The following TNIP1 variants were observed in gnomAD, a reference collection of about 807,000 sequenced individuals.
The protein encoded by TNIP1 is TNFAIP3-interacting protein 1.
A neutral mutation model predicts 86.6 loss-of-function variants in TNIP1; 22 were observed. The ratio of observed to expected loss-of-function variants is 0.25; its 90% CI spans 0.18 to 0.36. TNIP1 has a LOEUF of 0.36. TNIP1 is among the 10% of genes least tolerant of loss of function. The pLI, the probability that TNIP1 is intolerant of heterozygous loss-of-function variation, is 1.00. For missense variants in TNIP1, 709 were observed against 820.6 expected, an observed-to-expected ratio of 0.86 and a Z score of 1.66; for synonymous variants, 294 against 313.0, an observed-to-expected ratio of 0.94 and a Z score of 0.64.
intron 1 of TNIP1, among the ~76,000 whole-genome samples, chr5:151,066,358 T>G (rs1420864377): frequency 1.3e-5 from 2 of 152,128 alleles, no homozygotes; most frequent in East Asian, 3.9e-4. Flanking sequence ...CTCTCCAGCA[T>G]GAAAGGGCCA....
chr5:151,071,252 C>T (rs2113777776), intron 1 of TNIP1, among the ~76,000 whole-genome samples: 1 of 152,230 alleles, frequency 6.6e-6, no homozygotes, highest in South Asian at 2.1e-4. Flanking sequence ...CAACAAGGAG[C>T]CCAGACTTAA....
rs146593725 is a variant in TNIP1, at chr5:151,069,810, C to G, written c.-36-4679G>C. ...TGTGTATGGAACCATGGGCTCATTC[C>G]CTCACATGCAAGGGGAGGAGCATGG... On this transcript the variant is annotated intron_variant, in intron 1 of 17. Transcript: ENST00000521591. Among the ~76,000 whole-genome samples the G allele has an allele frequency of 5.2e-3, 787 of 152,242 alleles. 4 individuals are homozygous for G. Among genetic ancestry groups the G allele is most frequent in the African/African-American group, 0.018 (753 of 41,542 alleles).
intron 1 of TNIP1, among the ~76,000 whole-genome samples, chr5:151,071,373 C>A (rs1015340475): frequency 6.6e-6 from 1 of 152,016 alleles, no homozygotes; most frequent in Non-Finnish European, 1.5e-5. Flanking sequence ...TACACTAGGG[C>A]GAACATCTTA....
rs1016501478 is a variant in TNIP1, at chr5:151,030,034, C to T, written c.*679G>A. On this transcript the variant is annotated 3_prime_UTR_variant, in exon 18 of 18. Transcript: ENST00000521591. ...CCACCCTAATCTGGGCTTCTGGCAC[C>T]ACAGGCCTCCAGCTATGGGGTCCAG... 2 of 456,262 alleles carry T rather than the reference C, an allele frequency of 4.4e-6. No homozygotes were observed. Among genetic ancestry groups the T allele is most frequent in the African/African-American group, 4.0e-5 (2 of 50,082 alleles). The allele number at this position is 456,262 out of a possible 1,614,324, so 28.3% of individuals were successfully genotyped here. A position where few individuals can be genotyped will look rare whatever the true frequency, so the allele number is the denominator to read the frequency against.
intron 1 of TNIP1, among the ~76,000 whole-genome samples, chr5:151,069,813 C>A (rs572305069): frequency 3.7e-4 from 56 of 152,160 alleles, no homozygotes; most frequent in Non-Finnish European, 7.8e-4. Flanking sequence ...CTCATTCCCT[C>A]ACATGCAAGG....
At chr5:151,060,531 C>A in intron 4 of TNIP1, 136 bp from the exon 5 acceptor site, 1 of 708,844 alleles carries the variant, frequency 1.4e-6, no homozygotes, top group Non-Finnish European at 2.5e-6. Flanking sequence ...CATATCATCT[C>A]ACATGAGATC....
At chr5:151,082,280 GATATTCAT>G (rs1272546836), upstream of TNIP1, among the ~76,000 whole-genome samples, 2 of 152,092 alleles carry the variant, frequency 1.3e-5, no homozygotes, top group Non-Finnish European at 2.9e-5. Flanking sequence ...TCTTCAAAAC[GATATTCAT>G]TCTAGTTTAA....
upstream of TNIP1, among the ~76,000 whole-genome samples, chr5:151,081,598 CGTAA>C (rs1764033573): frequency 6.6e-6 from 1 of 152,244 alleles, no homozygotes; most frequent in Admixed American, 6.5e-5. Context: ...TCCCAGACAT[CGTAA>C]ACGCTTTGCT....
intron 11 of TNIP1, among the ~76,000 whole-genome samples, chr5:151,040,766 A>T (rs557369021): frequency 6.6e-6 from 1 of 152,310 alleles, no homozygotes; most frequent in Non-Finnish European, 1.5e-5. Context: ...TCCCATGCTG[A>T]CGGGAGGAAC....
At chr5:151,037,108 T>C in intron 12 of TNIP1, 187 bp from the exon 13 acceptor site, 1 of 646,882 alleles carries the variant, frequency 1.5e-6, no homozygotes, top group Non-Finnish European at 2.4e-6. Flanking sequence ...TTGGATCTTC[T>C]GCACAGTGCC....
At chr5:151,050,502 T>C (rs1759766643) in intron 7 of TNIP1, among the ~76,000 whole-genome samples, 1 of 152,250 alleles carries the variant, frequency 6.6e-6, no homozygotes, top group African/African-American at 2.4e-5. Context: ...CCATTTACTC[T>C]AGTTAAAGTT....
chr5:151,083,173 C>A (rs1764146089), upstream of TNIP1, among the ~76,000 whole-genome samples: 2 of 152,210 alleles, frequency 1.3e-5, no homozygotes, highest in African/African-American at 4.8e-5. Flanking sequence ...CCCTGCTCAG[C>A]CACTTACTAC....
Position 151,052,145 on chromosome 5 carries a change from T to A in TNIP1, c.722+20A>T, listed in dbSNP as rs1169448851. ...TGCAGCCCCCACTCCTCACCCCTTCTCTGAGGGGCCTGAACTTACCGCAGC... is the reference window on the plus strand; with the variant it reads ...TGCAGCCCCCACTCCTCACCCCTTCACTGAGGGGCCTGAACTTACCGCAGC... On this transcript the variant is annotated intron_variant, in intron 7 of 17. Coordinates refer to ENST00000521591, the MANE Select transcript of TNIP1 (RefSeq NM_006058.5). 6.2e-7 allele frequency: 1 copy of A among 1,611,602 alleles called. No individual in the cohort carries two copies. Among genetic ancestry groups the A allele is most frequent in the Admixed American group, 1.7e-5 (1 of 59,956 alleles).
At chr5:151,062,774 G>GA (rs1761745996) in intron 3 of TNIP1, among the ~76,000 whole-genome samples, 1 of 152,178 alleles carries the variant, frequency 6.6e-6, no homozygotes. Context: ...GAACATTGCT[G>GA]AATAGACAAG....
rs749753014 is a variant in TNIP1 at position 151,076,174 on chromosome 5, A to G, written c.-37+4706T>C. Among the ~76,000 whole-genome samples the G allele has an allele frequency of 7.2e-5, 11 of 152,234 alleles. No homozygotes were observed. The East Asian group carries it at 1.7e-3, about 24-fold the overall frequency. ...GGAAAATCATCAAGAACTTCCCACA[A>G]TGGTCATGGTGGCCGCCAAGGTCTT... On this transcript the variant is annotated intron_variant, in intron 1 of 17. Coordinates refer to ENST00000521591, the MANE Select transcript of TNIP1 (RefSeq NM_006058.5).
intron 14 of TNIP1, 141 bp from the exon 15 acceptor site, chr5:151,035,208 G>A: frequency 1.0e-6 from 1 of 955,060 alleles, no homozygotes; most frequent in Non-Finnish European, 1.6e-6. Context: ...CCCCGGGAAA[G>A]GGCCCTGAGG....
chr5:151,050,704 G>A (rs1382739149), intron 7 of TNIP1, among the ~76,000 whole-genome samples: 1 of 151,974 alleles, frequency 6.6e-6, no homozygotes, highest in Non-Finnish European at 1.5e-5. Flanking sequence ...CCCAATCTCG[G>A]CTCACCACAG....
At chr5:151,063,836 C>T (rs879591629) in intron 2 of TNIP1, 89 bp from the exon 3 acceptor site, 1 of 1,524,516 alleles carries the variant, frequency 6.6e-7, no homozygotes, top group Admixed American at 1.9e-5. Context: ...CGTGCTGCCG[C>T]CTGGCTTCTG....
At chr5:151,069,430 C>T (rs780222749) in intron 1 of TNIP1, among the ~76,000 whole-genome samples, 13 of 152,170 alleles carry the variant, frequency 8.5e-5, no homozygotes, top group Non-Finnish European at 1.3e-4. Context: ...ATCACAACAG[C>T]CCTGGGAAGA....
Sources: gnomAD v4.1 joint callset for allele counts (sites outside exome capture counted in the v4.1 genomes callset) on GRCh38, gnomAD v4.1.1 for gene constraint, MANE v1.5 for transcripts, NCBI Gene and HGNC (gene_info 2026-07-23, HGNC 2026-07-21) for gene names.